KCNJ4: variants seen among roughly 807,000 people sequenced by gnomAD.
KCNJ4 encodes potassium inwardly rectifying channel subfamily J member 4.
In KCNJ4, 3 loss-of-function variants were observed where a neutral mutation model predicts 25.6. The observed-to-expected ratio is 0.12, with a 90% CI of 0.05 to 0.30. The LOEUF is 0.30. KCNJ4 is among the 10% of genes least tolerant of loss of function. KCNJ4 has a pLI of 1.00. For synonymous variants in KCNJ4, 257 were observed against 283.9 expected (o/e 0.91, Z 0.95); for missense variants, 286 against 666.8 (o/e 0.43, Z 6.29).
intron 1 of KCNJ4, among the ~76,000 whole-genome samples, chr22:38,438,199 C>T (rs570302984): frequency 7.6e-6 from 1 of 131,758 alleles, no homozygotes; most frequent in East Asian, 2.4e-4. Flanking sequence ...GAGATCATGC[C>T]ATTGCATTCC....
chr22:38,440,358 ATGG>A (rs1184535901), intron 1 of KCNJ4, among the ~76,000 whole-genome samples: 1 of 152,012 alleles, frequency 6.6e-6, no homozygotes, highest in African/African-American at 2.4e-5. Flanking sequence ...CCTGGTCAAC[ATGG>A]TAAAACACCG....
intron 1 of KCNJ4, among the ~76,000 whole-genome samples, chr22:38,429,019 G>T (rs1266518311): frequency 6.7e-6 from 1 of 150,274 alleles, no homozygotes; most frequent in African/African-American, 2.5e-5. Context: ...AGGGGGTCAA[G>T]GCTGCAGTGA....
chr22:38,446,910 G>A (rs1367441657), intron 1 of KCNJ4, among the ~76,000 whole-genome samples: 3 of 150,792 alleles, frequency 2.0e-5, no homozygotes, highest in Middle Eastern at 3.2e-3. Flanking sequence ...AGCTGAGATC[G>A]CGCCACTGCT....
Position 38,427,389 on chromosome 22 carries a change from G to T in KCNJ4, c.744C>A (p.Ile248=). ...DQRDLNVGYD[I]GLDRIFLVSP... ...ACACCAGGAAGATGCGGTCCAGGCC[G>T]ATGTCATAGCCCACGTTGAGGTCCC... The change falls in exon 2 of 2, where the codon ATC becomes ATA. Residue 248 remains isoleucine (I), a synonymous_variant. Coordinates refer to ENST00000303592, the MANE Select transcript of KCNJ4 (RefSeq NM_152868.3). 1 of 1,614,088 alleles carries T rather than the reference G, an allele frequency of 6.2e-7. No homozygotes were observed. Among genetic ancestry groups the T allele is most frequent in the Non-Finnish European group, 8.5e-7 (1 of 1,180,032 alleles).
At chr22:38,453,454 T>A (rs373516985) in intron 1 of KCNJ4, among the ~76,000 whole-genome samples, 1 of 152,142 alleles carries the variant, frequency 6.6e-6, no homozygotes, top group Non-Finnish European at 1.5e-5. Flanking sequence ...ATTCCCCCTC[T>A]AATCCTGGAC....
At chr22:38,430,490 G>A (rs1289978276) in intron 1 of KCNJ4, among the ~76,000 whole-genome samples, 1 of 152,158 alleles carries the variant, frequency 6.6e-6, no homozygotes, top group Non-Finnish European at 1.5e-5. Flanking sequence ...GCAACAAAGT[G>A]AGACTTCGTC....
At position 38,426,668 on chromosome 22, in the gene KCNJ4, C is replaced by G. The variant is rs113601183; in HGVS notation, c.*127G>C. 1,823 of 1,238,600 alleles carry G rather than the reference C, an allele frequency of 1.5e-3. 24 individuals are homozygous for G. In the African/African-American group the frequency reaches 0.024, roughly 17 times the overall value. The allele number at this position is 1,238,600 out of a possible 1,614,324, so 76.7% of individuals were successfully genotyped here. On this transcript the variant is annotated 3_prime_UTR_variant, in exon 2 of 2. Coordinates refer to ENST00000303592, the MANE Select transcript of KCNJ4 (RefSeq NM_152868.3). ...GGAAGGGGTCCCCCAGTCTTTGAAACCCCCACCTTCCTCCAGAAGGTCCAC... is the reference window on the plus strand; with the variant it reads ...GGAAGGGGTCCCCCAGTCTTTGAAAGCCCCACCTTCCTCCAGAAGGTCCAC...
chr22:38,453,728 C>T (rs1362160819), intron 1 of KCNJ4, among the ~76,000 whole-genome samples: 4 of 152,174 alleles, frequency 2.6e-5, no homozygotes, highest in African/African-American at 9.7e-5. Context: ...GCTCTCCCAG[C>T]CACCTGAGCT....
At position 38,449,912 on chromosome 22, in the gene KCNJ4, C is replaced by T. The variant is rs1411131565; in HGVS notation, c.-40+5068G>A. On this transcript the variant is annotated intron_variant, in intron 1 of 1. Transcript: ENST00000303592. This position sits in a 1 kb window ranked among gnomAD's most constrained non-coding sequence, Gnocchi z 5.2. ...GAGCAAGCCAGAGCGTGAGCTCACC[C>T]CTGCTCCCCATGCTGCACCCCACCC... is the stretch of plus-strand genomic sequence containing the variant. Among the ~76,000 whole-genome samples the T allele has an allele frequency of 1.3e-5, 2 of 152,250 alleles. No individual in the cohort carries two copies. The highest frequency in any genetic ancestry group is 6.5e-5 in the Admixed American group (1 of 15,294).
At chr22:38,433,087 C>A (rs2093054978) in intron 1 of KCNJ4, among the ~76,000 whole-genome samples, 1 of 152,158 alleles carries the variant, frequency 6.6e-6, no homozygotes, top group East Asian at 1.9e-4. Flanking sequence ...ATGTTAATGT[C>A]TTTTCTTGGC....
intron 1 of KCNJ4, among the ~76,000 whole-genome samples, chr22:38,436,091 C>T (rs35699918): frequency 0.02 from 3,101 of 152,296 alleles, 61 homozygotes; most frequent in Non-Finnish European, 0.033. Context: ...AACTTTGTGC[C>T]CATGTGACCT....
chr22:38,453,293 C>G (rs1378532825), intron 1 of KCNJ4, among the ~76,000 whole-genome samples: 1 of 152,092 alleles, frequency 6.6e-6, no homozygotes, highest in East Asian at 1.9e-4. Flanking sequence ...GTTGAAGAAA[C>G]TGAGGTTCAG....
chr22:38,444,969 T>C (rs1405812912), intron 1 of KCNJ4, among the ~76,000 whole-genome samples: 1 of 151,844 alleles, frequency 6.6e-6, no homozygotes, highest in Non-Finnish European at 1.5e-5. Flanking sequence ...AATAATTGAG[T>C]GAACATTTAT....
At chr22:38,454,813 G>A (rs2089430651) in intron 1 of KCNJ4, among the ~76,000 whole-genome samples, 167 bp downstream of exon 1, 1 of 151,964 alleles carries the variant, frequency 6.6e-6, no homozygotes, top group African/African-American at 2.4e-5. Flanking sequence ...GAGCCCGCCC[G>A]CTCCCGGGGA....
rs545928424 is a variant in KCNJ4 at position 38,454,002 on chromosome 22, C to G, written c.-40+978G>C. ...AGGGCCACAGTGAGGCTCTTGGGCC[C>G]CTAAAGTCCTGCTAACTGCCCCCAA... On this transcript the variant is annotated intron_variant, in intron 1 of 1. Transcript: ENST00000303592. Among the ~76,000 whole-genome samples, 21 of 152,298 alleles carry G rather than the reference C, an allele frequency of 1.4e-4. No homozygotes were observed. In the South Asian group the frequency reaches 3.1e-3, roughly 23 times the overall value.
At chr22:38,433,928 T>C (rs2093057905) in intron 1 of KCNJ4, among the ~76,000 whole-genome samples, 1 of 152,226 alleles carries the variant, frequency 6.6e-6, no homozygotes, top group Non-Finnish European at 1.5e-5. Context: ...TATCTGTCCT[T>C]GCCCACAACT....
chr22:38,448,070 A>AAAAAAG (rs1555919495), intron 1 of KCNJ4, among the ~76,000 whole-genome samples: 6 of 150,432 alleles, frequency 4.0e-5, no homozygotes, highest in African/African-American at 1.2e-4. Flanking sequence ...AAAAAAAAAA[A>AAAAAAG]AAAAGAAAAG....
Position 38,443,567 on chromosome 22 carries a change from T to C in KCNJ4, c.-40+11413A>G, listed in dbSNP as rs758154690. Among the ~76,000 whole-genome samples, 4 of 152,104 alleles carry C rather than the reference T, an allele frequency of 2.6e-5. No individual in the cohort carries two copies. Among genetic ancestry groups the C allele is most frequent in the Non-Finnish European group, 5.9e-5 (4 of 68,014 alleles). ...CAGCCCTCCCTAAGCCCAACCGCAA[T>C]AACAATGGGTTAATAACTAACATGC... On this transcript the variant is annotated intron_variant, in intron 1 of 1. Transcript: ENST00000303592. This position sits in a 1 kb window ranked among gnomAD's most constrained non-coding sequence, Gnocchi z 4.1.
chr22:38,448,729 AC>A, intron 1 of KCNJ4, among the ~76,000 whole-genome samples: 1 of 152,068 alleles, frequency 6.6e-6, no homozygotes. Context: ...CCCTGGGCAA[AC>A]CCTGGTGGTC....
Sources: allele counts gnomAD v4.1 joint callset (sites outside exome capture counted in the v4.1 genomes callset), GRCh38; gene constraint gnomAD v4.1.1; non-coding constraint Gnocchi (gnomAD v3.1); transcripts MANE v1.5; gene names NCBI Gene and HGNC (gene_info 2026-07-23, HGNC 2026-07-21).